The following ZNF521 variants were observed in gnomAD, a reference collection of about 807,000 sequenced individuals.
The protein encoded by ZNF521 is zinc finger protein 521, also known as LYST-interacting protein 3.
ZNF521 carries 14 observed loss-of-function variants against 105.5 expected under a neutral mutation model. The observed-to-expected ratio is 0.13, with a 90% CI of 0.09 to 0.21. The LOEUF is 0.21. Ranked by LOEUF, ZNF521 falls within the 10% of genes least tolerant of loss-of-function variation. ZNF521 has a pLI of 1.00. For missense variants in ZNF521, 1,233 were observed against 1,629.7 expected, an observed-to-expected ratio of 0.76 and a Z score of 4.19; for synonymous variants, 635 against 606.0, an observed-to-expected ratio of 1.05 and a Z score of -0.70.
At chr18:25,235,584 T>C (rs1364304953) in intron 3 of ZNF521, among the ~76,000 whole-genome samples, 1 of 152,228 alleles carries the variant, frequency 6.6e-6, no homozygotes, top group African/African-American at 2.4e-5. Context: ...CTTGTTAAAC[T>C]AGACTTTACT....
chr18:25,258,936 C>T (rs1247765515), intron 3 of ZNF521, among the ~76,000 whole-genome samples: 1 of 152,044 alleles, frequency 6.6e-6, no homozygotes, highest in Non-Finnish European at 1.5e-5. Context: ...TGACAATGTG[C>T]CAGGCACCCT....
At chr18:25,264,629 C>CT (rs1463415213) in intron 3 of ZNF521, among the ~76,000 whole-genome samples, 2 of 152,154 alleles carry the variant, frequency 1.3e-5, no homozygotes, top group Non-Finnish European at 2.9e-5. Flanking sequence ...TCTCATTCCT[C>CT]TGTCAATTTT....
chr18:25,264,186 C>T (rs1234722442), intron 3 of ZNF521, among the ~76,000 whole-genome samples: 1 of 152,106 alleles, frequency 6.6e-6, no homozygotes, highest in Non-Finnish European at 1.5e-5. Flanking sequence ...AACTATTATC[C>T]TAATTTGTAG....
At chr18:25,309,959 G>T (rs901074974) in intron 3 of ZNF521, among the ~76,000 whole-genome samples, 1 of 152,092 alleles carries the variant, frequency 6.6e-6, no homozygotes, top group African/African-American at 2.4e-5. Context: ...TTTTAACAAT[G>T]ACAATCTTTT....
chr18:25,190,906 T>C (rs2035807246), intron 5 of ZNF521, among the ~76,000 whole-genome samples: 1 of 152,224 alleles, frequency 6.6e-6, no homozygotes, highest in South Asian at 2.1e-4. Context: ...CGTGATTATC[T>C]ATAAAATACC....
chr18:25,083,834 A>G (rs913267914), intron 7 of ZNF521, among the ~76,000 whole-genome samples: 1 of 151,204 alleles, frequency 6.6e-6, no homozygotes, highest in Non-Finnish European at 1.5e-5. Context: ...CAGTGGTGCA[A>G]TCATGGCTCA....
At chr18:25,156,769 G>A (rs531679256) in intron 5 of ZNF521, among the ~76,000 whole-genome samples, 1 of 152,074 alleles carries the variant, frequency 6.6e-6, no homozygotes, top group South Asian at 2.1e-4. Context: ...AAGGTAAATA[G>A]CAAATAAAGG....
intron 3 of ZNF521, among the ~76,000 whole-genome samples, chr18:25,280,212 T>C (rs928382164): frequency 3.9e-5 from 6 of 152,144 alleles, no homozygotes; most frequent in Non-Finnish European, 7.4e-5. Context: ...CTGAAAATAA[T>C]AGAAGAAAAT....
intron 7 of ZNF521, among the ~76,000 whole-genome samples, chr18:25,084,675 C>T (rs1039767831): frequency 6.6e-6 from 1 of 152,024 alleles, no homozygotes; most frequent in African/African-American, 2.4e-5. Flanking sequence ...TCAACTAGAC[C>T]AATTTCTTCT....
chr18:25,108,288 CTT>C (rs1432358272), intron 5 of ZNF521, among the ~76,000 whole-genome samples: 1 of 152,002 alleles, frequency 6.6e-6, no homozygotes, highest in African/African-American at 2.4e-5. Context: ...TTTTCAATGA[CTT>C]AATTTATGAT....
chr18:25,158,493 T>C lies in ZNF521; in HGVS notation c.3658+36667A>G, dbSNP rs553916745. ...TCAAAGGAAATACAGGAATAACTTC[T>C]CTATATTGTTATTCTCTGATTTTTA... On this transcript the variant is annotated intron_variant, in intron 5 of 7. Coordinates refer to ENST00000361524, the MANE Select transcript of ZNF521 (RefSeq NM_015461.3). Among the ~76,000 whole-genome samples, 11 of 152,276 alleles carry C rather than the reference T, an allele frequency of 7.2e-5. No homozygotes were observed. In the South Asian group the frequency reaches 1.7e-3, roughly 23 times the overall value.
rs55818021 is a variant in ZNF521 at position 25,293,351 on chromosome 18, T to TACACACACACAC, written c.220+28645_220+28656dup. Among the ~76,000 whole-genome samples, 613 of 143,232 alleles carry TACACACACACAC rather than the reference T, an allele frequency of 4.3e-3. 6 individuals are homozygous for TACACACACACAC. Among genetic ancestry groups the TACACACACACAC allele is most frequent in the African/African-American group, 0.014 (548 of 38,872 alleles). 94.0% of individuals were successfully genotyped at this position (143,232 alleles called of 152,430 possible). On this transcript the variant is annotated intron_variant, in intron 3 of 7. Transcript: ENST00000361524. ...ATTTTCTTGCTTGCACATGTACACATACACACACACACACACACACACACA... is the reference window on the plus strand; with the variant it reads ...ATTTTCTTGCTTGCACATGTACACATACACACACACACACACACACACACACACACACACACA...
At chr18:25,324,575 T>C (rs918207171) in intron 2 of ZNF521, among the ~76,000 whole-genome samples, 1 of 152,182 alleles carries the variant, frequency 6.6e-6, no homozygotes, top group Non-Finnish European at 1.5e-5. Flanking sequence ...ATGAATACTC[T>C]TGGTTGTTTA....
intron 3 of ZNF521, among the ~76,000 whole-genome samples, chr18:25,239,720 A>C (rs1417218341): frequency 6.6e-6 from 1 of 152,210 alleles, no homozygotes; most frequent in Non-Finnish European, 1.5e-5. Context: ...TCCGGGGTTC[A>C]GAATGTAAGT....
rs1390424921 is a variant in ZNF521, at chr18:25,129,651, C to A, written c.3659-37570G>T. 2.6e-5 allele frequency among the ~76,000 whole-genome samples: 4 copies of A among 151,724 alleles called. No homozygotes were observed. The East Asian group carries it at 7.8e-4, about 29-fold the overall frequency. On this transcript the variant is annotated intron_variant, in intron 5 of 7. Transcript: ENST00000361524. The stretch of plus-strand genomic sequence containing the variant: ...TCCAGTAATTAGAAAACAAACAACT[C>A]AATTAGAAAGTGGCGGGGTGGGGGG...
At chr18:25,321,002 G>A (rs1456280121) in intron 3 of ZNF521, among the ~76,000 whole-genome samples, 2 of 152,166 alleles carry the variant, frequency 1.3e-5, no homozygotes, top group East Asian at 1.9e-4. Context: ...AGAAAACCTT[G>A]TTAAAATAGA....
chr18:25,321,315 G>A (rs1417168652), intron 3 of ZNF521, among the ~76,000 whole-genome samples: 2 of 152,196 alleles, frequency 1.3e-5, no homozygotes, highest in Non-Finnish European at 2.9e-5. Flanking sequence ...CTGAGTCCCA[G>A]TTTTATTTAG....
intron 3 of ZNF521, among the ~76,000 whole-genome samples, chr18:25,259,214 A>T (rs918208711): frequency 2.0e-5 from 3 of 152,160 alleles, no homozygotes; most frequent in Non-Finnish European, 2.9e-5. Context: ...ACCAGGAGGG[A>T]TCTCTGAAAG....
At chr18:25,150,637 G>C (rs531289271) in intron 5 of ZNF521, among the ~76,000 whole-genome samples, 2 of 152,212 alleles carry the variant, frequency 1.3e-5, no homozygotes, top group Admixed American at 1.3e-4. Context: ...TTTTTTCCAT[G>C]TGGACTAGTG....
Sources: allele counts gnomAD v4.1 joint callset (sites outside exome capture counted in the v4.1 genomes callset), GRCh38; gene constraint gnomAD v4.1.1; transcripts MANE v1.5; gene names NCBI Gene and HGNC (gene_info 2026-07-23, HGNC 2026-07-21).